CEP350: variants seen among roughly 807,000 people sequenced by gnomAD.
CEP350 encodes centrosomal protein 350.
CEP350 carries 126 observed loss-of-function variants against 331.8 expected under a neutral mutation model. The observed-to-expected ratio is 0.38, with a 90% CI of 0.33 to 0.44. The LOEUF (loss-of-function observed/expected upper bound fraction) is 0.44, where lower values mean the gene tolerates loss of function less well. Ranked by LOEUF, CEP350 falls within the 20% of genes least tolerant of loss-of-function variation. The pLI, the probability that CEP350 is intolerant of heterozygous loss-of-function variation, is 1.00. For missense variants in CEP350, 3,406 were observed against 3,634.6 expected, an observed-to-expected ratio of 0.94 and a Z score of 1.62; for synonymous variants, 1,200 against 1,259.5, an observed-to-expected ratio of 0.95 and a Z score of 1.00.
chr1:179,988,257 A>C (rs995927010), intron 3 of CEP350, among the ~76,000 whole-genome samples: 4 of 151,606 alleles, frequency 2.6e-5, no homozygotes, highest in Non-Finnish European at 4.4e-5. Flanking sequence ...TGATCACACC[A>C]CTGCATTCTA....
In CEP350 at chr1:180,092,769, T is replaced by G. The variant is rs963254600; in HGVS notation, c.6664T>G (p.Ser2222Ala). ...SRKIREESGD[S>A]LENVPALHLL... ...GAAAATCAGAGAAGAATCTGGAGAT[T>G]CTCTAGAAAATGTACCTGCATTACA... The change falls in exon 34 of 38, where the codon TCT becomes GCT. Residue 2222 changes from serine to alanine, a missense_variant. Ser to Ala is a moderately conservative substitution (Grantham distance 99, BLOSUM62 1). This residue lies in a region of CEP350 where 1,415 missense variants were observed against 1,512.3 expected (regional missense o/e 0.94). Transcript: ENST00000367607. The G allele has an allele frequency of 6.3e-7, 1 of 1,588,792 alleles. No individual in the cohort carries two copies. Among genetic ancestry groups the G allele is most frequent in the African/African-American group, 1.3e-5 (1 of 74,508 alleles).
At chr1:179,968,332 C>CA (rs397861084) in intron 1 of CEP350, among the ~76,000 whole-genome samples, 1,865 of 88,198 alleles carry the variant, frequency 0.021, 14 homozygotes, top group Non-Finnish European at 0.025. Flanking sequence ...ACTCTGTCTC[C>CA]AAAAAAAAAA....
chr1:180,002,984 G>A lies in CEP350; in HGVS notation c.1019-190G>A, dbSNP rs193009498. Among the ~76,000 whole-genome samples the A allele has an allele frequency of 4.6e-5, 7 of 152,244 alleles. No homozygotes were observed. The East Asian group carries it at 1.3e-3, about 29-fold the overall frequency. On this transcript the variant is annotated intron_variant, in intron 6 of 37. Coordinates refer to ENST00000367607, the MANE Select transcript of CEP350 (RefSeq NM_014810.5). ...ATAGGTACAGGGTTTCTTTCAGGGT[G>A]ATTAAATGCTCTGGAATTAGATAAT... is the stretch of plus-strand genomic sequence containing the variant.
chr1:179,974,296 G>C (rs2148612780), intron 1 of CEP350, among the ~76,000 whole-genome samples: 1 of 152,178 alleles, frequency 6.6e-6, no homozygotes, highest in Non-Finnish European at 1.5e-5. Flanking sequence ...TAGCCAGGAT[G>C]GTCTCGATCT....
At chr1:179,962,793 T>C (rs1049166429) in intron 1 of CEP350, among the ~76,000 whole-genome samples, 6 of 152,082 alleles carry the variant, frequency 3.9e-5, no homozygotes, top group Admixed American at 2.0e-4. Flanking sequence ...ACTAGTGCAG[T>C]GTCTTTTTGA....
intron 5 of CEP350, 56 bp downstream of exon 5, chr1:179,992,277 G>A (rs1396929725): frequency 2.9e-6 from 4 of 1,369,918 alleles, no homozygotes; most frequent in Non-Finnish European, 3.8e-6. Context: ...AATATTTACA[G>A]TAAGAGTATA....
At position 180,094,403 on chromosome 1, in the gene CEP350, A is replaced by G. The variant is rs776594995; in HGVS notation, c.8298A>G (p.Thr2766=). ...TACTAAAAGTCTTTGTAAAGGACAC[A>G]GTCAATCAACTACAACAAATCAAAA... ...DSLLKVFVKD[T]VNQLQQIKKT... The change falls in exon 34 of 38, where the codon ACA becomes ACG. Residue 2766 remains threonine (T), a synonymous_variant. Transcript: ENST00000367607. 5.0e-6 allele frequency: 8 copies of G among 1,613,746 alleles called. No individual in the cohort carries two copies. Among genetic ancestry groups the G allele is most frequent in the Middle Eastern group, 1.6e-4 (1 of 6,084 alleles).
At chr1:179,962,718 A>C (rs149081054) in intron 1 of CEP350, among the ~76,000 whole-genome samples, 1 of 152,056 alleles carries the variant, frequency 6.6e-6, no homozygotes, top group Non-Finnish European at 1.5e-5. Context: ...TATCTGATCT[A>C]CTGTTGATAG....
intron 33 of CEP350, among the ~76,000 whole-genome samples, chr1:180,091,788 C>T (rs1253234732): frequency 6.6e-6 from 1 of 150,964 alleles, no homozygotes; most frequent in African/African-American, 2.4e-5. Flanking sequence ...TGTGATCAGC[C>T]ACTGCACTCC....
chr1:180,037,799 G>A (rs1656471361), intron 17 of CEP350, among the ~76,000 whole-genome samples: 1 of 151,956 alleles, frequency 6.6e-6, no homozygotes, highest in Non-Finnish European at 1.5e-5. Flanking sequence ...ACAGGTGCCC[G>A]CCACAGTGCC....
intron 28 of CEP350, 93 bp from the exon 29 acceptor site, chr1:180,078,370 G>A: frequency 1.1e-6 from 1 of 886,690 alleles, no homozygotes; most frequent in Non-Finnish European, 1.7e-6. Flanking sequence ...AATGCAGTAA[G>A]TAATAATATG....
At chr1:179,979,801 G>T (rs1284388728) in intron 1 of CEP350, among the ~76,000 whole-genome samples, 1 of 152,016 alleles carries the variant, frequency 6.6e-6, no homozygotes, top group Non-Finnish European at 1.5e-5. Flanking sequence ...TTATTGAAGA[G>T]ACTATCCCCA....
chr1:180,099,814 C>G (rs977059464), intron 37 of CEP350, among the ~76,000 whole-genome samples: 22 of 129,232 alleles, frequency 1.7e-4, no homozygotes, highest in African/African-American at 6.8e-4. Flanking sequence ...GAGACACAGT[C>G]TCGCTCTGTC....
chr1:180,031,483 A>T lies in CEP350; in HGVS notation c.3714A>T (p.Gly1238=). ...ATAGCACTTTGGAGGATCTTTCTGG[A>T]CATTCTGTGAGGTAATGTATATTTT... ...DTDSTLEDLS[G]HSVSVSSDKG... is the part of the protein sequence containing the mutation. Residue 1238 remains glycine, a synonymous_variant, in exon 15 of 38, where the codon GGA becomes GGT. Transcript: ENST00000367607. The T allele has an allele frequency of 6.8e-7, 1 of 1,462,812 alleles. No individual in the cohort carries two copies. The allele number at this position is 1,462,812 out of a possible 1,614,324, so 90.6% of individuals were successfully genotyped here.
intron 37 of CEP350, among the ~76,000 whole-genome samples, chr1:180,099,817 G>A (rs1379582021): frequency 1.5e-5 from 2 of 131,556 alleles, no homozygotes; most frequent in Non-Finnish European, 3.1e-5. Context: ...ACACAGTCTC[G>A]CTCTGTCACC....
chr1:179,972,474 T>C (rs1341029895), intron 1 of CEP350, among the ~76,000 whole-genome samples: 1 of 152,002 alleles, frequency 6.6e-6, no homozygotes, highest in African/African-American at 2.4e-5. Flanking sequence ...GAGTGTAGTG[T>C]ATAGAAGTCA....
At position 180,014,194 on chromosome 1, in the gene CEP350, G is replaced by A. The variant is rs749766838; in HGVS notation, c.1741G>A (p.Asp581Asn). The change falls in exon 10 of 38, where the codon GAT becomes AAT. Residue 581 changes from aspartate (D) to asparagine (N), a missense_variant. This residue lies in a region of CEP350 where 1,857 missense variants were observed against 1,909.2 expected (regional missense o/e 0.97). Transcript: ENST00000367607. ...RKPDKITANE[D>N]PPVISKRRHY... ...ACCTGACAAAATAACAGCTAATGAA[G>A]ATCCCCCTGTTATTTCCAAAAGGCG... The A allele has an allele frequency of 1.9e-6, 3 of 1,609,816 alleles. No individual in the cohort carries two copies. Among genetic ancestry groups the A allele is most frequent in the Non-Finnish European group, 2.5e-6 (3 of 1,178,092 alleles).
At chr1:180,082,762 A>G (rs1448051282) in intron 30 of CEP350, among the ~76,000 whole-genome samples, 1 of 152,214 alleles carries the variant, frequency 6.6e-6, no homozygotes, top group African/African-American at 2.4e-5. Context: ...GGCATATACA[A>G]TTTTTAAAAA....
intron 27 of CEP350, among the ~76,000 whole-genome samples, chr1:180,071,620 A>G (rs1357021638): frequency 4.0e-5 from 6 of 151,788 alleles, no homozygotes; most frequent in African/African-American, 1.5e-4. Context: ...CTACTAAAAA[A>G]ATAAATACAA....
Sources: gnomAD v4.1 joint callset for allele counts (sites outside exome capture counted in the v4.1 genomes callset) on GRCh38, gnomAD v4.1.1 for gene constraint, gnomAD v4.1.1 regional missense constraint, MANE v1.5 for transcripts, NCBI Gene and HGNC (gene_info 2026-07-23, HGNC 2026-07-21) for gene names.